ADCY5: variants seen among roughly 807,000 people sequenced by gnomAD.
ADCY5 encodes the protein adenylate cyclase type 5.
Under a neutral mutation model 119.7 loss-of-function variants are expected in ADCY5, and 30 were observed. The observed-to-expected ratio is 0.25, with a 90% CI of 0.19 to 0.34. The LOEUF is 0.34. Among genes scored for constraint, ADCY5 ranks in the 10% least tolerant of loss-of-function variants. ADCY5 has a pLI of 1.00. For missense variants in ADCY5, 1,324 were observed against 1,775.2 expected (o/e 0.75, Z 4.57); for synonymous variants, 753 against 762.2 (o/e 0.99, Z 0.20).
intron 3 of ADCY5, among the ~76,000 whole-genome samples, chr3:123,343,992 A>T (rs1214516594): frequency 2.0e-5 from 3 of 152,174 alleles, no homozygotes; most frequent in African/African-American, 7.2e-5. Flanking sequence ...GCATCAAAAC[A>T]TCCTACAGGC....
At chr3:123,354,762 C>T (rs1576615448) in intron 1 of ADCY5, among the ~76,000 whole-genome samples, 1 of 152,262 alleles carries the variant, frequency 6.6e-6, no homozygotes, top group Middle Eastern at 3.4e-3. Flanking sequence ...ACAACATGAC[C>T]AAATGGGCTT....
Position 123,332,544 on chromosome 3 carries a change from C to A in ADCY5, c.1518+20G>T. On this transcript the variant is annotated intron_variant, in intron 4 of 20. Transcript: ENST00000462833. ...CAGCCCAGGTCAGGCCACCCCAACC[C>A]CCGGCTCAGGGTGACTCACTGCGGC... The A allele has an allele frequency of 1.3e-6, 2 of 1,591,754 alleles. No homozygotes were observed. Among genetic ancestry groups the A allele is most frequent in the Admixed American group, 1.7e-5 (1 of 59,464 alleles).
chr3:123,292,732 G>A (rs1306034232), intron 17 of ADCY5, among the ~76,000 whole-genome samples: 2 of 152,074 alleles, frequency 1.3e-5, no homozygotes, highest in East Asian at 3.9e-4. Context: ...GGGGTAGGGG[G>A]CATCCCTGTG....
In ADCY5 at chr3:123,412,954, A is replaced by G. The variant is rs528422650; in HGVS notation, c.1134+34458T>C. Among the ~76,000 whole-genome samples, 53 of 152,274 alleles carry G rather than the reference A, an allele frequency of 3.5e-4. 1 individual carries two copies. The South Asian group carries it at 8.3e-3, about 24-fold the overall frequency. On this transcript the variant is annotated intron_variant, in intron 1 of 20. Coordinates refer to ENST00000462833, the MANE Select transcript of ADCY5 (RefSeq NM_183357.3). ...ACAGATGCCCAGCACAGCCTGATAG[A>G]GCAGGCGGCACAGGCCAGCCTGCAC...
In ADCY5 at chr3:123,440,178, C is replaced by T. The variant is rs146459294; in HGVS notation, c.1134+7234G>A. 2.7e-3 allele frequency among the ~76,000 whole-genome samples: 417 copies of T among 152,294 alleles called. 2 individuals are homozygous for T. The highest frequency in any genetic ancestry group is 9.8e-3 in the African/African-American group (406 of 41,558). ...CTGAGCACCTACTGTGTGCTGAGCACTGATGGAGGTGAGGCACTGGGTCCC... is the reference window on the plus strand; with the variant it reads ...CTGAGCACCTACTGTGTGCTGAGCATTGATGGAGGTGAGGCACTGGGTCCC... On this transcript the variant is annotated intron_variant, in intron 1 of 20. Coordinates refer to ENST00000462833, the MANE Select transcript of ADCY5 (RefSeq NM_183357.3).
At chr3:123,432,627 C>T (rs1040343225) in intron 1 of ADCY5, among the ~76,000 whole-genome samples, 3 of 152,100 alleles carry the variant, frequency 2.0e-5, no homozygotes, top group Admixed American at 6.5e-5. Context: ...ACCTCCTGGG[C>T]TCCAGTGATC....
At chr3:123,396,502 TAA>T (rs1944571015) in intron 1 of ADCY5, among the ~76,000 whole-genome samples, 1 of 57,054 alleles carries the variant, frequency 1.8e-5, no homozygotes, top group Non-Finnish European at 3.5e-5. Context: ...AGAGGGAAAA[TAA>T]GAGAAAGAAA....
chr3:123,397,365 G>A lies in ADCY5; in HGVS notation c.1135-44784C>T, dbSNP rs548470220. On this transcript the variant is annotated intron_variant, in intron 1 of 20. Coordinates refer to ENST00000462833, the MANE Select transcript of ADCY5 (RefSeq NM_183357.3). The stretch of plus-strand genomic sequence containing the variant: ...TAATCACCATGGCTGGCCAGGCGCA[G>A]TGGCTCACGCCTGTGATCCCAACAC... Among the ~76,000 whole-genome samples, 14 of 152,370 alleles carry A rather than the reference G, an allele frequency of 9.2e-5. No homozygotes were observed. In the South Asian group the frequency reaches 2.9e-3, roughly 32 times the overall value.
intron 1 of ADCY5, among the ~76,000 whole-genome samples, chr3:123,394,237 C>A (rs759655170): frequency 1.3e-5 from 2 of 152,210 alleles, no homozygotes; most frequent in Non-Finnish European, 2.9e-5. Context: ...CATTTCTTTT[C>A]ATCCAAATCA....
At chr3:123,387,308 C>G (rs1336453146) in intron 1 of ADCY5, among the ~76,000 whole-genome samples, 1 of 152,154 alleles carries the variant, frequency 6.6e-6, no homozygotes, top group Non-Finnish European at 1.5e-5. Flanking sequence ...GATGTTTGAG[C>G]CCATGTGATA....
At position 123,394,385 on chromosome 3, in the gene ADCY5, A is replaced by G. The variant is rs756560544; in HGVS notation, c.1135-41804T>C. 2.6e-5 allele frequency among the ~76,000 whole-genome samples: 4 copies of G among 152,192 alleles called. No homozygotes were observed. The South Asian group carries it at 8.3e-4, about 32-fold the overall frequency. ...CTAGGGTAGCACCTCATCCATCTAT[A>G]GCACAACTGAGAGCGGGGAAATAGC... On this transcript the variant is annotated intron_variant, in intron 1 of 20. Coordinates refer to ENST00000462833, the MANE Select transcript of ADCY5 (RefSeq NM_183357.3).
chr3:123,300,325 C>A lies in ADCY5; in HGVS notation c.2725-30G>T, dbSNP rs566448845. The A allele has an allele frequency of 1.9e-6, 3 of 1,608,678 alleles. No individual in the cohort carries two copies. The South Asian group carries it at 3.3e-5, about 18-fold the overall frequency. ...GGGCAGAGGGCAGCAGCATCAGCTC[C>A]CCAGGCCCTGCCCGACCCCGGGCCC... is the stretch of plus-strand genomic sequence containing the variant. On this transcript the variant is annotated intron_variant, in intron 14 of 20. Coordinates refer to ENST00000462833, the MANE Select transcript of ADCY5 (RefSeq NM_183357.3).
chr3:123,366,133 C>T (rs1943429268), intron 1 of ADCY5, among the ~76,000 whole-genome samples: 2 of 152,222 alleles, frequency 1.3e-5, no homozygotes, highest in South Asian at 4.1e-4. Context: ...ATTACTTTCA[C>T]CCATGGGTTA....
At chr3:123,427,126 C>T (rs985169891) in intron 1 of ADCY5, among the ~76,000 whole-genome samples, 1 of 152,124 alleles carries the variant, frequency 6.6e-6, no homozygotes, top group African/African-American at 2.4e-5. Flanking sequence ...CCCAGGGGCT[C>T]CCTGTGTCCC....
intron 1 of ADCY5, among the ~76,000 whole-genome samples, chr3:123,381,755 T>C (rs1302710577): frequency 5.3e-5 from 8 of 152,232 alleles, no homozygotes; most frequent in Admixed American, 5.2e-4. Context: ...CTGCCAGCAC[T>C]AGATCCAGGC....
intron 2 of ADCY5, 103 bp from the exon 3 acceptor site, chr3:123,348,006 C>G: frequency 3.1e-6 from 4 of 1,310,880 alleles, no homozygotes; most frequent in Non-Finnish European, 3.1e-6. Context: ...TGGAAAACCT[C>G]TCAGGCTCTC....
chr3:123,407,412 C>T (rs533351026), intron 1 of ADCY5, among the ~76,000 whole-genome samples: 7 of 152,104 alleles, frequency 4.6e-5, no homozygotes, highest in South Asian at 4.2e-4. Flanking sequence ...CCATAAAACA[C>T]GAATAAAGTA....
At chr3:123,326,375 CCCTT>C (rs778144243) in intron 7 of ADCY5, among the ~76,000 whole-genome samples, 4 of 152,340 alleles carry the variant, frequency 2.6e-5, no homozygotes, top group East Asian at 1.9e-4. Context: ...TCAACTCCCT[CCCTT>C]GTCAGATGAG....
At chr3:123,325,250 G>A in intron 8 of ADCY5, 72 bp downstream of exon 8, 2 of 1,554,394 alleles carry the variant, frequency 1.3e-6, no homozygotes, top group East Asian at 2.3e-5. Context: ...GGCATCTGGT[G>A]CGGGCCTCAT....
Sources: gnomAD v4.1 joint callset for allele counts (sites outside exome capture counted in the v4.1 genomes callset) on GRCh38, gnomAD v4.1.1 for gene constraint, MANE v1.5 for transcripts, NCBI Gene and HGNC (gene_info 2026-07-23, HGNC 2026-07-21) for gene names.